Variants in TCF20 observed in about 807,000 individuals in gnomAD.
The protein encoded by TCF20 is transcription factor 20.
In TCF20, 3 loss-of-function variants were observed where a neutral mutation model predicts 148.6. The observed-to-expected ratio is 0.02, with a 90% CI of 0.01 to 0.05. The LOEUF (loss-of-function observed/expected upper bound fraction) is 0.05, where lower values mean the gene tolerates loss of function less well. Ranked by LOEUF, TCF20 falls within the 10% of genes least tolerant of loss-of-function variation. The probability of loss-of-function intolerance (pLI) is 1.00; values close to 1 mark genes in which losing one functional copy is unlikely to be tolerated. For synonymous variants in TCF20, 1,049 were observed against 909.5 expected (o/e 1.15, Z -2.76); for missense variants, 2,350 against 2,429.3 (o/e 0.97, Z 0.69).
chr22:42,231,042 G>A (rs1354342525), intron 1 of TCF20, among the ~76,000 whole-genome samples: 1 of 151,916 alleles, frequency 6.6e-6, no homozygotes, highest in Non-Finnish European at 1.5e-5. Flanking sequence ...TGTGCCTGTA[G>A]TACCAACTAC....
At chr22:42,302,977 T>G (rs1927365105) in intron 1 of TCF20, among the ~76,000 whole-genome samples, 1 of 152,182 alleles carries the variant, frequency 6.6e-6, no homozygotes, top group Non-Finnish European at 1.5e-5. Context: ...TTGCCCAGGC[T>G]GGAGTGCAGT....
intron 1 of TCF20, among the ~76,000 whole-genome samples, 131 bp downstream of exon 1, chr22:42,270,208 G>A (rs573179027): frequency 2.6e-5 from 4 of 151,868 alleles, no homozygotes; most frequent in Non-Finnish European, 5.9e-5. Context: ...CGGAGTCCAG[G>A]AGGCTCCGCA....
intron 2 of TCF20, among the ~76,000 whole-genome samples, chr22:42,205,472 G>A (rs929827327): frequency 5.3e-5 from 8 of 152,056 alleles, no homozygotes; most frequent in African/African-American, 1.7e-4. Context: ...AGGCCAAAAT[G>A]GATCTCTAAT....
At chr22:42,171,882 C>T (rs547019572) in intron 3 of TCF20, among the ~76,000 whole-genome samples, 3 of 152,336 alleles carry the variant, frequency 2.0e-5, no homozygotes, top group African/African-American at 7.2e-5. Context: ...ACCACACGAG[C>T]AGCAAAGGGT....
chr22:42,255,538 T>G (rs1482218818), intron 1 of TCF20, among the ~76,000 whole-genome samples: 1 of 152,038 alleles, frequency 6.6e-6, no homozygotes, highest in East Asian at 1.9e-4. Flanking sequence ...AAAACCACAT[T>G]ATTTATTGTT....
intron 2 of TCF20, 84 bp downstream of exon 2, chr22:42,209,567 G>A (rs1390116493): frequency 6.9e-7 from 1 of 1,442,416 alleles, no homozygotes; most frequent in Non-Finnish European, 9.4e-7. Flanking sequence ...GAATAATCAT[G>A]TGACATGTAA....
At chr22:42,242,356 T>G (rs1389543831) in intron 1 of TCF20, among the ~76,000 whole-genome samples, 1 of 151,778 alleles carries the variant, frequency 6.6e-6, no homozygotes, top group Non-Finnish European at 1.5e-5. Flanking sequence ...AAATAAGAGA[T>G]ATCACCAAAG....
In TCF20 at chr22:42,209,997, T is replaced by C. The variant is rs571368089; in HGVS notation, c.5309A>G (p.Gln1770Arg). The change falls in exon 2 of 6, where the codon CAG becomes CGG. Residue 1770 changes from glutamine to arginine, a missense_variant. By Grantham distance (43) the Gln-to-Arg change is conservative. Transcript: ENST00000677622. ...TCTCTGCTCCTTCTGCTGCTGCTGCTGCTCTTCCTCCTCCTCAGTGTCCGT... is the reference window on the plus strand; with the variant it reads ...TCTCTGCTCCTTCTGCTGCTGCTGCCGCTCTTCCTCCTCCTCAGTGTCCGT... ...SKTDTEEEEEQQQQQKEQRSL... is the reference protein window; with the variant it reads ...SKTDTEEEEERQQQQKEQRSL... The C allele has an allele frequency of 2.5e-6, 4 of 1,613,166 alleles. No individual in the cohort carries two copies. In the South Asian group the frequency reaches 4.4e-5, roughly 18 times the overall value.
chr22:42,213,745 C>T lies in TCF20; in HGVS notation c.1561G>A (p.Gly521Arg). The T allele has an allele frequency of 6.2e-7, 1 of 1,614,132 alleles. No homozygotes were observed. Among genetic ancestry groups the T allele is most frequent in the Non-Finnish European group, 8.5e-7 (1 of 1,180,022 alleles). The change falls in exon 2 of 6, where the codon GGA (glycine) becomes AGA (arginine). Residue 521 changes from glycine (G) to arginine (R), a missense_variant. Around this residue, in one of 7 missense-constraint regions of TCF20, gnomAD observed 1,641 missense variants for 1,662.6 expected, o/e 0.99. Coordinates refer to ENST00000677622, the MANE Select transcript of TCF20 (RefSeq NM_001378418.1). ...TCCTCTGAACTGCTGGAGCAGCCTCCATCTAATGACTCTGCCATAGGGGAC... is the reference window on the plus strand; with the variant it reads ...TCCTCTGAACTGCTGGAGCAGCCTCTATCTAATGACTCTGCCATAGGGGAC... Reference protein sequence around the residue: ...LKSPMAESLDGGCSSSSEDQG... With the variant: ...LKSPMAESLDRGCSSSSEDQG...
upstream of TCF20, among the ~76,000 whole-genome samples, chr22:42,287,069 G>A (rs370730129): frequency 4.6e-5 from 7 of 152,106 alleles, no homozygotes; most frequent in African/African-American, 1.7e-4. Context: ...TGGGGGGAAG[G>A]GAGGAGGGGG....
chr22:42,229,650 C>T (rs1923221849), intron 1 of TCF20, among the ~76,000 whole-genome samples: 1 of 152,132 alleles, frequency 6.6e-6, no homozygotes, highest in Non-Finnish European at 1.5e-5. Context: ...ATTGGCCAAA[C>T]CCACCACTCC....
chr22:42,163,336 G>A (rs1317274042), intron 5 of TCF20, among the ~76,000 whole-genome samples: 2 of 152,232 alleles, frequency 1.3e-5, no homozygotes, highest in Non-Finnish European at 2.9e-5. Flanking sequence ...GCAGCCTGGG[G>A]CTCTGCCCTC....
chr22:42,190,095 A>C (rs1937252893), intron 2 of TCF20, among the ~76,000 whole-genome samples: 1 of 152,126 alleles, frequency 6.6e-6, no homozygotes, highest in South Asian at 2.1e-4. Context: ...ATTGGGGATA[A>C]TACCCAGTTG....
chr22:42,200,415 T>C (rs1937919806), intron 2 of TCF20, among the ~76,000 whole-genome samples: 1 of 151,994 alleles, frequency 6.6e-6, no homozygotes, highest in Non-Finnish European at 1.5e-5. Flanking sequence ...GGGAGGCAGG[T>C]GGATCGCCTG....
At position 42,214,643 on chromosome 22, in the gene TCF20, A is replaced by C; in HGVS notation, c.663T>G (p.Ala221=). 6.2e-7 allele frequency: 1 copy of C among 1,614,206 alleles called. No homozygotes were observed. Among genetic ancestry groups the C allele is most frequent in the Non-Finnish European group, 8.5e-7 (1 of 1,180,044 alleles). The change falls in exon 2 of 6, where the codon GCT becomes GCG. Residue 221 remains alanine, a synonymous_variant. Coordinates refer to ENST00000677622, the MANE Select transcript of TCF20 (RefSeq NM_001378418.1). Reference sequence around the variant, plus strand: ...GACCCACTCTTAACTGGTAACCAGCAGCAGAGGATGGCAGAGTTGAGGGCC... The same window carrying C: ...GACCCACTCTTAACTGGTAACCAGCCGCAGAGGATGGCAGAGTTGAGGGCC... ...MQRPSTLPSS[A]AGYQLRVGQF... is the part of the protein sequence containing the mutation.
chr22:42,254,455 G>T (rs1298221134), intron 1 of TCF20, among the ~76,000 whole-genome samples: 2 of 152,222 alleles, frequency 1.3e-5, no homozygotes, highest in Admixed American at 6.5e-5. Context: ...CCAGAGCCAG[G>T]GTGCCTGTGG....
Position 42,290,700 on chromosome 22 carries a change from C to T in TCF20, c.-37+52779G>A, listed in dbSNP as rs1170178112. On this transcript the variant is annotated intron_variant, in intron 1 of 1. Transcript: ENST00000515426. This position sits in a 1 kb window ranked among gnomAD's most constrained non-coding sequence, Gnocchi z 4.2. ...TACACCGCTGGGCCTGCCCCTTCAG[C>T]GTTGGTCGCTGGGCTAACACTAGGC... 1.3e-5 allele frequency among the ~76,000 whole-genome samples: 2 copies of T among 152,324 alleles called. No individual in the cohort carries two copies. Among genetic ancestry groups the T allele is most frequent in the South Asian group, 2.1e-4 (1 of 4,834 alleles).
intron 1 of TCF20, among the ~76,000 whole-genome samples, chr22:42,250,614 T>C (rs991010827): frequency 2.6e-5 from 4 of 152,198 alleles, no homozygotes; most frequent in African/African-American, 9.7e-5. Flanking sequence ...AGTTTGTCCA[T>C]CATGGTATTT....
chr22:42,324,817 C>T (rs891902801), intron 1 of TCF20, among the ~76,000 whole-genome samples: 1 of 152,232 alleles, frequency 6.6e-6, no homozygotes, highest in Non-Finnish European at 1.5e-5. Context: ...TGCAATCTCC[C>T]AGCAGCCTGG....
Sources: allele counts gnomAD v4.1 joint callset (sites outside exome capture counted in the v4.1 genomes callset), GRCh38; gene constraint gnomAD v4.1.1; regional missense constraint gnomAD v4.1.1; non-coding constraint Gnocchi (gnomAD v3.1); transcripts MANE v1.5; gene names NCBI Gene and HGNC (gene_info 2026-07-23, HGNC 2026-07-21).